Variants in ZNF804B observed in about 807,000 individuals in gnomAD.
ZNF804B encodes zinc finger 804B.
ZNF804B carries 80 observed loss-of-function variants against 101.4 expected under a neutral mutation model. That is an observed-to-expected ratio of 0.79 (90% CI 0.66 to 0.95). ZNF804B has a LOEUF of 0.95. Ranked by LOEUF, ZNF804B falls within the 40% of genes least tolerant of loss-of-function variation. The pLI is 0.00. For synonymous variants in ZNF804B, 622 were observed against 558.8 expected (o/e 1.11, Z -1.59); for missense variants, 1,673 against 1,561.9 (o/e 1.07, Z -1.20).
chr7:88,916,985 C>G (rs1333876628), intron 1 of ZNF804B, among the ~76,000 whole-genome samples: 1 of 152,026 alleles, frequency 6.6e-6, no homozygotes, highest in Non-Finnish European at 1.5e-5. Flanking sequence ...TAATATTGGG[C>G]TGGGTGCGGT....
At chr7:89,022,557 G>A (rs1320942745) in intron 1 of ZNF804B, among the ~76,000 whole-genome samples, 1 of 152,094 alleles carries the variant, frequency 6.6e-6, no homozygotes, top group Admixed American at 6.6e-5. Context: ...GTGTGGTTTT[G>A]CTCTGAAGGA....
Position 89,334,384 on chromosome 7 carries a change from G to C in ZNF804B, c.1402G>C (p.Glu468Gln). Residue 468 changes from glutamate (E) to glutamine (Q), a missense_variant, in exon 4 of 4, where the codon GAA (glutamate) becomes CAA (glutamine). By Grantham distance (29) the Glu-to-Gln change is conservative. Transcript: ENST00000333190. ...GGAACTTCTGCTCTTTACAAAAACAGAACCCTGTATCTCTTATGGCTGCAA... is the reference window on the plus strand; with the variant it reads ...GGAACTTCTGCTCTTTACAAAAACACAACCCTGTATCTCTTATGGCTGCAA... Reference protein sequence around the residue: ...PTELLLFTKTEPCISYGCNPL... With the variant: ...PTELLLFTKTQPCISYGCNPL... The C allele has an allele frequency of 6.2e-7, 1 of 1,613,762 alleles. No homozygotes were observed.
chr7:89,155,506 C>A (rs71557030), intron 1 of ZNF804B, among the ~76,000 whole-genome samples: 1 of 152,154 alleles, frequency 6.6e-6, no homozygotes, highest in Non-Finnish European at 1.5e-5. Flanking sequence ...ATCCTCAGAT[C>A]TGTCCTGTAC....
At chr7:89,203,918 G>C (rs1381778003) in intron 1 of ZNF804B, among the ~76,000 whole-genome samples, 1 of 152,146 alleles carries the variant, frequency 6.6e-6, no homozygotes, top group Non-Finnish European at 1.5e-5. Flanking sequence ...ATTAATACCA[G>C]AACAATTTAA....
intron 1 of ZNF804B, among the ~76,000 whole-genome samples, chr7:89,118,923 A>T (rs1790357862): frequency 6.6e-6 from 1 of 152,178 alleles, no homozygotes; most frequent in Non-Finnish European, 1.5e-5. Flanking sequence ...GATGATGACA[A>T]ATCTGACATT....
At chr7:88,762,191 T>C (rs1051804534) in intron 1 of ZNF804B, among the ~76,000 whole-genome samples, 2 of 152,254 alleles carry the variant, frequency 1.3e-5, no homozygotes, top group South Asian at 2.1e-4. Flanking sequence ...AATATCTAAA[T>C]TAAATGATAT....
chr7:88,889,444 T>C (rs999772829), intron 1 of ZNF804B, among the ~76,000 whole-genome samples: 4 of 152,220 alleles, frequency 2.6e-5, no homozygotes, highest in Non-Finnish European at 5.9e-5. Context: ...TATCAACGTC[T>C]GTTATTTTTT....
In ZNF804B at chr7:89,336,962, C is replaced by G; in HGVS notation, c.3980C>G (p.Ser1327Cys). ...CAAGGTCAAGATTTTTGCCATCATT[C>G]TTGCTCTAGCCAGATGCAACAGCTA... is the stretch of plus-strand genomic sequence containing the variant. The part of the protein sequence containing the change: ...VFQGQDFCHH[S>C]CSSQMQQLNE... The change falls in exon 4 of 4, where the codon TCT (serine) becomes TGT (cysteine). Residue 1327 changes from serine to cysteine, a missense_variant. By Grantham distance (112) the Ser-to-Cys change is moderately radical. Coordinates refer to ENST00000333190, the MANE Select transcript of ZNF804B (RefSeq NM_181646.5). The G allele has an allele frequency of 6.2e-7, 1 of 1,614,090 alleles. No homozygotes were observed. The highest frequency in any genetic ancestry group is 1.1e-5 in the South Asian group (1 of 91,086).
Position 88,759,994 on chromosome 7 carries a change from C to G in ZNF804B, c.18C>G (p.Val6=). 1 of 1,614,178 alleles carries G rather than the reference C, an allele frequency of 6.2e-7. No homozygotes were observed. Among genetic ancestry groups the G allele is most frequent in the Non-Finnish European group, 8.5e-7 (1 of 1,180,026 alleles). The part of the protein sequence containing the change: MACYL[V]ISSRHLSNGH... ...GGACCCACATGGCTTGTTACCTGGT[C>G]ATCAGTTCGAGACATCTCAGCAATG... The change falls in exon 1 of 4, where the codon GTC becomes GTG. Residue 6 remains valine, a synonymous_variant. Coordinates refer to ENST00000333190, the MANE Select transcript of ZNF804B (RefSeq NM_181646.5).
At chr7:89,316,815 C>T (rs138247491) in intron 2 of ZNF804B, among the ~76,000 whole-genome samples, 208 of 152,222 alleles carry the variant, frequency 1.4e-3, no homozygotes, top group Middle Eastern at 6.8e-3. Context: ...CATGAAGATT[C>T]TGAGCAGCAC....
intron 1 of ZNF804B, among the ~76,000 whole-genome samples, chr7:89,073,263 A>G (rs975144174): frequency 2.6e-5 from 4 of 152,118 alleles, no homozygotes; most frequent in Non-Finnish European, 5.9e-5. Context: ...ATTAATACAG[A>G]TTGGAAAATA....
intron 1 of ZNF804B, among the ~76,000 whole-genome samples, chr7:89,186,916 T>C (rs1474980095): frequency 2.0e-5 from 3 of 152,138 alleles, no homozygotes; most frequent in Non-Finnish European, 4.4e-5. Flanking sequence ...TGCAATGTAA[T>C]CTCCCTGAGG....
chr7:89,110,257 T>C (rs1790197370), intron 1 of ZNF804B, among the ~76,000 whole-genome samples: 1 of 152,162 alleles, frequency 6.6e-6, no homozygotes, highest in Admixed American at 6.6e-5. Flanking sequence ...AGTAGTTCAA[T>C]AATACTAATT....
intron 1 of ZNF804B, among the ~76,000 whole-genome samples, chr7:89,045,888 A>G (rs964777665): frequency 1.3e-5 from 2 of 152,014 alleles, no homozygotes; most frequent in East Asian, 1.9e-4. Flanking sequence ...AAAGGGCACA[A>G]TTATCTTTTG....
chr7:89,195,076 C>A (rs1351578552), intron 1 of ZNF804B, among the ~76,000 whole-genome samples: 1 of 151,154 alleles, frequency 6.6e-6, no homozygotes, highest in Non-Finnish European at 1.5e-5. Flanking sequence ...TAAACAGAAC[C>A]AAAGACAAAA....
intron 1 of ZNF804B, among the ~76,000 whole-genome samples, chr7:89,183,177 C>T (rs1456497359): frequency 6.6e-6 from 1 of 151,686 alleles, no homozygotes; most frequent in African/African-American, 2.4e-5. Context: ...GAACAAGGTG[C>T]AGTGGAGAAA....
intron 1 of ZNF804B, among the ~76,000 whole-genome samples, chr7:88,764,180 G>A (rs1789945087): frequency 6.6e-6 from 1 of 152,106 alleles, no homozygotes; most frequent in African/African-American, 2.4e-5. Flanking sequence ...TTAATAGTGA[G>A]ACTATCATTC....
At chr7:89,322,650 G>T (rs1006439369) in intron 2 of ZNF804B, among the ~76,000 whole-genome samples, 3 of 151,896 alleles carry the variant, frequency 2.0e-5, no homozygotes, top group Non-Finnish European at 4.4e-5. Flanking sequence ...ACAATGTTTT[G>T]ACAATTAAAA....
intron 1 of ZNF804B, among the ~76,000 whole-genome samples, chr7:89,156,104 T>TTTC (rs1790970713): frequency 6.9e-6 from 1 of 145,798 alleles, no homozygotes; most frequent in Non-Finnish European, 1.5e-5. Context: ...TTTCTTTCTC[T>TTTC]CTTTCTCTCT....
Sources: gnomAD v4.1 joint callset for allele counts (sites outside exome capture counted in the v4.1 genomes callset) on GRCh38, gnomAD v4.1.1 for gene constraint, MANE v1.5 for transcripts, NCBI Gene and HGNC (gene_info 2026-07-23, HGNC 2026-07-21) for gene names.